The following PPA1 variants were observed in gnomAD, a reference collection of about 807,000 sequenced individuals.
The protein encoded by PPA1 is inorganic pyrophosphatase.
PPA1 carries 23 observed loss-of-function variants against 41.8 expected under a neutral mutation model. That is an observed-to-expected ratio of 0.55 (90% CI 0.40 to 0.78). The LOEUF (loss-of-function observed/expected upper bound fraction) is 0.78. PPA1 is among the 30% of genes least tolerant of loss of function. PPA1 has a pLI of 0.00. For missense variants in PPA1, 320 were observed against 361.6 expected (o/e 0.89, Z 0.93); for synonymous variants, 101 against 116.8 (o/e 0.86, Z 0.87).
At chr10:70,208,404 T>A (rs920513316) in intron 8 of PPA1, among the ~76,000 whole-genome samples, 4 of 151,994 alleles carry the variant, frequency 2.6e-5, no homozygotes, top group African/African-American at 9.7e-5. Context: ...AGTGGGGCAA[T>A]CACAGCTCAC....
intron 10 of PPA1, chr10:70,204,065 GCA>G (rs1237392143): frequency 6.6e-6 from 1 of 152,426 alleles, no homozygotes; most frequent in Non-Finnish European, 1.5e-5. Flanking sequence ...GTGGCTGCGT[GCA>G]GTGGCTCACG....
In PPA1 at chr10:70,219,279, T is replaced by C. The variant is rs780932786; in HGVS notation, c.124-462A>G. 2.1e-4 allele frequency among the ~76,000 whole-genome samples: 32 copies of C among 152,302 alleles called. 1 individual carries two copies. Among genetic ancestry groups the C allele is most frequent in the Non-Finnish European group, 3.8e-4 (26 of 68,014 alleles). ...ATAAAAGCTGACAGTGGAAAGAATGTTCCTAGGAAGGAAACAGTTCTTAAA... is the reference window on the plus strand; with the variant it reads ...ATAAAAGCTGACAGTGGAAAGAATGCTCCTAGGAAGGAAACAGTTCTTAAA... On this transcript the variant is annotated intron_variant, in intron 2 of 10. Transcript: ENST00000373232.
rs1214846856 is a variant in PPA1 at position 70,220,739 on chromosome 10, T to TTA, written c.124-1924_124-1923dup. ...AATTTATATATATAATATATATAATTTATATATATATAATATATATAATTT... is the reference window on the plus strand; with the variant it reads ...AATTTATATATATAATATATATAATTTATATATATATATAATATATATAATTT... On this transcript the variant is annotated intron_variant, in intron 2 of 10. Transcript: ENST00000373232. 1.0e-3 allele frequency among the ~76,000 whole-genome samples: 6 copies of TTA among 5,740 alleles called. 1 individual carries two copies. The highest frequency in any genetic ancestry group is 5.4e-3 in the Admixed American group (1 of 184). The allele number at this position is 5,740 out of a possible 152,430, so 3.8% of individuals were successfully genotyped here. A position where few individuals can be genotyped will look rare whatever the true frequency, so the allele number is the denominator to read the frequency against.
At chr10:70,220,580 T>C (rs1466731902) in intron 2 of PPA1, among the ~76,000 whole-genome samples, 1 of 51,466 alleles carries the variant, frequency 1.9e-5, no homozygotes, top group African/African-American at 6.2e-5. Context: ...ATAATATATA[T>C]AATTATATAT....
chr10:70,211,054 C>G (rs189492873), intron 6 of PPA1, among the ~76,000 whole-genome samples: 1 of 152,154 alleles, frequency 6.6e-6, no homozygotes. Flanking sequence ...TGAGCCACCG[C>G]GCCCGGCCGC....
chr10:70,209,875 G>C lies in PPA1; in HGVS notation c.512-190C>G. ...ACATTGGAGCGAAGCCCCTTGTTGA[G>C]AAGAGAAGCCATACACATATACATT... is the stretch of plus-strand genomic sequence containing the variant. On this transcript the variant is annotated intron_variant, in intron 6 of 10. Coordinates refer to ENST00000373232, the MANE Select transcript of PPA1 (RefSeq NM_021129.4). The C allele has an allele frequency of 4.8e-6, 3 of 627,434 alleles. No homozygotes were observed. The South Asian group carries it at 6.0e-5, about 12-fold the overall frequency. 38.9% of individuals were successfully genotyped at this position (627,434 alleles called of 1,614,324 possible). A position where few individuals can be genotyped will look rare whatever the true frequency, so the allele number is the denominator to read the frequency against.
chr10:70,207,649 G>A (rs1207942397), intron 8 of PPA1, among the ~76,000 whole-genome samples: 1 of 151,628 alleles, frequency 6.6e-6, no homozygotes, highest in East Asian at 1.9e-4. Context: ...GAGAGACCCT[G>A]TCTCTAAAAA....
chr10:70,231,817 T>A (rs533650027), intron 1 of PPA1, among the ~76,000 whole-genome samples: 21 of 152,362 alleles, frequency 1.4e-4, no homozygotes, highest in Admixed American at 3.9e-4. Flanking sequence ...TGCCAAATTC[T>A]AGGAGTAGCT....
chr10:70,224,246 CAAAAA>C (rs58480019), intron 2 of PPA1, among the ~76,000 whole-genome samples: 1 of 69,458 alleles, frequency 1.4e-5, no homozygotes, highest in Non-Finnish European at 2.8e-5. Context: ...CCTGTCTCTA[CAAAAA>C]AAAAAAAAAA....
At chr10:70,220,925 T>A (rs1224432107) in intron 2 of PPA1, among the ~76,000 whole-genome samples, 2 of 5,072 alleles carry the variant, frequency 3.9e-4, no homozygotes, top group African/African-American at 1.8e-3. Flanking sequence ...TATATAATTT[T>A]TATATATACT....
intron 2 of PPA1, among the ~76,000 whole-genome samples, chr10:70,219,701 C>T (rs1432937700): frequency 1.3e-5 from 2 of 152,148 alleles, no homozygotes; most frequent in Non-Finnish European, 2.9e-5. Flanking sequence ...TAGCCTTAAA[C>T]TGACTACTAT....
At chr10:70,225,067 G>A (rs1420572548) in intron 2 of PPA1, among the ~76,000 whole-genome samples, 1 of 152,106 alleles carries the variant, frequency 6.6e-6, no homozygotes, top group Non-Finnish European at 1.5e-5. Context: ...TGGTAAATTC[G>A]ATGAACTATA....
intron 8 of PPA1, 95 bp from the exon 9 acceptor site, chr10:70,206,428 T>G: frequency 1.1e-6 from 1 of 890,178 alleles, no homozygotes; most frequent in Non-Finnish European, 1.8e-6. Flanking sequence ...CCAGGTGATA[T>G]TCAAGTTTAG....
intron 6 of PPA1, chr10:70,210,072 G>C (rs1179378118): frequency 3.2e-6 from 1 of 311,606 alleles, no homozygotes; most frequent in Non-Finnish European, 6.1e-6. Context: ...TACTGAAAAA[G>C]ACAGAGGTTA....
At chr10:70,220,934 CTA>C (rs1285504046) in intron 2 of PPA1, among the ~76,000 whole-genome samples, 429 of 12,438 alleles carry the variant, frequency 0.034, 10 homozygotes, top group Non-Finnish European at 0.057. Context: ...TTTATATATA[CTA>C]TATATATAAT....
intron 4 of PPA1, among the ~76,000 whole-genome samples, chr10:70,216,876 G>T (rs895057646): frequency 2.0e-5 from 3 of 152,050 alleles, no homozygotes; most frequent in African/African-American, 7.2e-5. Context: ...CTTCTCAAAA[G>T]GTTGACTATT....
intron 2 of PPA1, among the ~76,000 whole-genome samples, chr10:70,225,473 C>T (rs1051188901): frequency 1.3e-5 from 2 of 151,988 alleles, no homozygotes; most frequent in Non-Finnish European, 2.9e-5. Context: ...CCTAGGCTGC[C>T]CAGAGTGCTA....
In PPA1 at chr10:70,204,873, C is replaced by T. The variant is rs753250934; in HGVS notation, c.838G>A (p.Val280Met). 9 of 1,583,432 alleles carry T rather than the reference C, an allele frequency of 5.7e-6. No individual in the cohort carries two copies. In the South Asian group the frequency reaches 5.8e-5, roughly 10 times the overall value. ...AATTTTACTGGAATAGAAATCTTAC[C>T]GTCTGTTGGTACTGTGCAGGCAGAT... ...CESACTVPTD[V>M]DKWFHHQKN The change falls in exon 10 of 11, where the codon GTG (valine) becomes ATG (methionine). Residue 280 changes from valine (V) to methionine (M), a missense_variant and splice_region_variant. Physicochemically the swap from Val to Met is conservative, Grantham distance 21. Transcript: ENST00000373232.
chr10:70,209,554 T>C lies in PPA1; in HGVS notation c.639+4A>G, dbSNP rs1313258436. The C allele has an allele frequency of 1.3e-6, 2 of 1,595,146 alleles. No individual in the cohort carries two copies. Among genetic ancestry groups the C allele is most frequent in the Admixed American group, 1.9e-5 (1 of 53,610 alleles). ...TAAAGCTACAGTTCTGAATGACATA[T>C]TACCTTATCTTTAAATTCTGCATTA... On this transcript the variant is annotated splice_donor_region_variant and intron_variant, in intron 7 of 10. Coordinates refer to ENST00000373232, the MANE Select transcript of PPA1 (RefSeq NM_021129.4).
Sources: allele counts gnomAD v4.1 joint callset (sites outside exome capture counted in the v4.1 genomes callset), GRCh38; gene constraint gnomAD v4.1.1; transcripts MANE v1.5; gene names NCBI Gene and HGNC (gene_info 2026-07-23, HGNC 2026-07-21).